NPHP4: variants seen among roughly 807,000 people sequenced by gnomAD.
NPHP4 encodes the protein nephrocystin-4.
In NPHP4, 151 loss-of-function variants were observed where a neutral mutation model predicts 155.8. The observed-to-expected ratio is 0.97, with a 90% CI of 0.85 to 1.11. The LOEUF (loss-of-function observed/expected upper bound fraction) is 1.11, where lower values mean the gene tolerates loss of function less well. NPHP4 is among the 50% of genes least tolerant of loss of function. The pLI, the probability that NPHP4 is intolerant of heterozygous loss-of-function variation, is 0.00. For missense variants in NPHP4, 1,956 were observed against 1,925.7 expected (o/e 1.02, Z -0.29); for synonymous variants, 845 against 816.8 (o/e 1.03, Z -0.59).
chr1:5,883,414 C>T (rs1643487410), intron 18 of NPHP4, among the ~76,000 whole-genome samples: 1 of 152,214 alleles, frequency 6.6e-6, no homozygotes, highest in East Asian at 1.9e-4. Context: ...GAGAAAGTGC[C>T]ACCAGCCCCA....
intron 18 of NPHP4, 113 bp downstream of exon 18, chr1:5,887,173 T>G: frequency 9.8e-7 from 1 of 1,018,700 alleles, no homozygotes; most frequent in South Asian, 1.7e-5. Flanking sequence ...ATTCTCCCGG[T>G]TTCCTCCTGG....
At chr1:5,880,974 T>A (rs1643225998) in intron 18 of NPHP4, 1 of 152,292 alleles carries the variant, frequency 6.6e-6, no homozygotes. Flanking sequence ...GCTTGTGCCA[T>A]CAATTTCCTT....
intron 3 of NPHP4, among the ~76,000 whole-genome samples, chr1:5,976,203 G>A (rs1220365488): frequency 6.6e-6 from 1 of 152,152 alleles, no homozygotes; most frequent in Admixed American, 6.5e-5. Flanking sequence ...CCGCCACATG[G>A]GAATAAGCTG....
At chr1:5,914,257 CAAAAAAAAAAAAAAA>C (rs575438284) in intron 11 of NPHP4, among the ~76,000 whole-genome samples, 10 of 47,392 alleles carry the variant, frequency 2.1e-4, no homozygotes, top group Admixed American at 6.9e-4. Flanking sequence ...CTTATCTATA[CAAAAAAAAAAAAAAA>C]AAAAAAAAAA....
rs1570376496 is a variant in NPHP4, at chr1:5,907,706, G to GA, written c.1504-485_1504-484insT. Among the ~76,000 whole-genome samples the GA allele has an allele frequency of 1.3e-4, 20 of 151,770 alleles. No individual in the cohort carries two copies. In the South Asian group the frequency reaches 2.7e-3, roughly 20 times the overall value. On this transcript the variant is annotated intron_variant, in intron 12 of 29. Transcript: ENST00000378156. ...GTGCCCGTGCCAACGTGGCATTACC[G>GA]TGGAGTGCCCGCACCAATGTGGCAT...
At chr1:5,878,088 C>T (rs1463005219) in intron 19 of NPHP4, among the ~76,000 whole-genome samples, 1 of 152,140 alleles carries the variant, frequency 6.6e-6, no homozygotes, top group Non-Finnish European at 1.5e-5. Context: ...AGCTGAGAGG[C>T]GCCCCAGCTT....
At chr1:5,901,336 TAG>T (rs1644671382) in intron 16 of NPHP4, among the ~76,000 whole-genome samples, 1 of 152,230 alleles carries the variant, frequency 6.6e-6, no homozygotes, top group African/African-American at 2.4e-5. Flanking sequence ...ACCAAGGCCC[TAG>T]GGAACCATGC....
At chr1:5,917,590 C>A (rs1195605715) in intron 11 of NPHP4, among the ~76,000 whole-genome samples, 1 of 152,134 alleles carries the variant, frequency 6.6e-6, no homozygotes, top group Admixed American at 6.5e-5. Context: ...CCCTTGTATA[C>A]AAAAGGGTTT....
rs183402057 is a variant in NPHP4, at chr1:5,951,180, G to T, written c.810+1520C>A. Among the ~76,000 whole-genome samples, 648 of 152,314 alleles carry T rather than the reference G, an allele frequency of 4.3e-3. 5 individuals are homozygous for T. Among genetic ancestry groups the T allele is most frequent in the African/African-American group, 0.014 (600 of 41,566 alleles). On this transcript the variant is annotated intron_variant, in intron 7 of 29. Transcript: ENST00000378156. ...AGGAAGGTGCAGCCGGAGGAGACCC[G>T]CGAGGCTCTGAGGGTGCCTCTGTGG...
At position 5,947,145 on chromosome 1, in the gene NPHP4, G is replaced by T. The variant is rs772453181; in HGVS notation, c.1078C>A (p.Leu360Met). ...GCAGGGCTGCTGAACACGTACTCCA[G>T]CTGGAAGATGACCGCAAATGCAGGG... ...GHPAFAVIFQ[L>M]EYVFSSPAGV... The change falls in exon 9 of 30, where the codon CTG becomes ATG. Residue 360 changes from leucine (L) to methionine (M), a missense_variant. Physicochemically the swap from Leu to Met is conservative, Grantham distance 15. Coordinates refer to ENST00000378156, the MANE Select transcript of NPHP4 (RefSeq NM_015102.5). 2 of 1,613,874 alleles carry T rather than the reference G, an allele frequency of 1.2e-6. No individual in the cohort carries two copies. Among genetic ancestry groups the T allele is most frequent in the Admixed American group, 1.7e-5 (1 of 60,012 alleles).
At chr1:5,864,940 G>T in intron 27 of NPHP4, 162 bp downstream of exon 27, 1 of 666,478 alleles carries the variant, frequency 1.5e-6, no homozygotes, top group Non-Finnish European at 2.6e-6. Flanking sequence ...CACATCTAAC[G>T]AAAGGCAACT....
At chr1:5,962,657 A>G (rs1329609194) in intron 5 of NPHP4, among the ~76,000 whole-genome samples, 1 of 152,250 alleles carries the variant, frequency 6.6e-6, no homozygotes, top group East Asian at 1.9e-4. Flanking sequence ...GTGGATACCC[A>G]TAACGCACGG....
chr1:5,900,013 C>T (rs1644591841), intron 16 of NPHP4, among the ~76,000 whole-genome samples: 1 of 152,206 alleles, frequency 6.6e-6, no homozygotes, highest in African/African-American at 2.4e-5. Flanking sequence ...CAACAAGACA[C>T]CACTGCACTG....
chr1:5,987,086 T>C (rs545689333), intron 1 of NPHP4, among the ~76,000 whole-genome samples: 3 of 152,124 alleles, frequency 2.0e-5, no homozygotes, highest in East Asian at 1.9e-4. Flanking sequence ...GAGACCTCAG[T>C]TGGTCACCCC....
At chr1:5,873,785 C>T in intron 22 of NPHP4, 2 of 285,674 alleles carry the variant, frequency 7.0e-6, no homozygotes, top group South Asian at 6.7e-5. Context: ...ACACCTCACA[C>T]ACCACCCCCT....
chr1:5,908,787 A>C (rs978604750), intron 12 of NPHP4, among the ~76,000 whole-genome samples: 5 of 152,204 alleles, frequency 3.3e-5, no homozygotes, highest in Non-Finnish European at 5.9e-5. Context: ...CTACTGGTGG[A>C]GTTAGTCTGG....
At chr1:5,893,814 T>A (rs1166608762) in intron 16 of NPHP4, among the ~76,000 whole-genome samples, 1 of 152,210 alleles carries the variant, frequency 6.6e-6, no homozygotes, top group Non-Finnish European at 1.5e-5. Flanking sequence ...ATGGTCCGCC[T>A]GGCAACGGGC....
chr1:5,952,163 G>C (rs960599017), intron 7 of NPHP4, among the ~76,000 whole-genome samples: 1 of 152,182 alleles, frequency 6.6e-6, no homozygotes, highest in African/African-American at 2.4e-5. Flanking sequence ...CAGGCCGAGG[G>C]GACAGTGAGT....
At chr1:5,976,226 C>T (rs1283253849) in intron 3 of NPHP4, among the ~76,000 whole-genome samples, 4 of 152,174 alleles carry the variant, frequency 2.6e-5, no homozygotes, top group African/African-American at 7.2e-5. Context: ...GGAGTTATTC[C>T]ATCTCCATGC....
Sources: gnomAD v4.1 joint callset for allele counts (sites outside exome capture counted in the v4.1 genomes callset) on GRCh38, gnomAD v4.1.1 for gene constraint, MANE v1.5 for transcripts, NCBI Gene and HGNC (gene_info 2026-07-23, HGNC 2026-07-21) for gene names.